The following ZNF565 variants were observed in gnomAD, a reference collection of about 807,000 sequenced individuals.
ZNF565 encodes zinc finger protein 565.
A neutral mutation model predicts 39.4 loss-of-function variants in ZNF565; 27 were observed. The ratio of observed to expected loss-of-function variants is 0.69; its 90% CI spans 0.51 to 0.95. The LOEUF is 0.95. ZNF565 is among the 40% of genes least tolerant of loss of function. ZNF565 has a pLI of 0.00. For synonymous variants in ZNF565, 185 were observed against 216.6 expected (o/e 0.85, Z 1.28); for missense variants, 524 against 621.1 (o/e 0.84, Z 1.66).
intron 3 of ZNF565, chr19:36,194,657 T>C (rs2145324000): frequency 2.2e-6 from 1 of 461,200 alleles, no homozygotes; most frequent in East Asian, 4.3e-5. Context: ...CTCCAATCTA[T>C]TCCTTGATGC....
At position 36,183,368 on chromosome 19, in the gene ZNF565, A is replaced by G. The variant is rs1284180028; in HGVS notation, c.598T>C (p.Cys200Arg). Residue 200 changes from cysteine (C) to arginine (R), a missense_variant, in exon 5 of 5, where the codon TGT becomes CGT. Coordinates refer to ENST00000304116, the MANE Select transcript of ZNF565 (RefSeq NM_152477.5). ...TGEKPFGCKE[C>R]GKAFSRASHL... is the part of the protein sequence containing the mutation. Reference sequence around the variant, plus strand: ...GAGGCACGGCTGAAGGCCTTCCCACATTCCTTACATCCAAAGGGTTTTTCA... The same window carrying G: ...GAGGCACGGCTGAAGGCCTTCCCACGTTCCTTACATCCAAAGGGTTTTTCA... 6.2e-7 allele frequency: 1 copy of G among 1,608,416 alleles called. No individual in the cohort carries two copies. The highest frequency in any genetic ancestry group is 8.5e-7 in the Non-Finnish European group (1 of 1,175,090).
intron 1 of ZNF565, among the ~76,000 whole-genome samples, chr19:36,221,817 C>T (rs1315390669): frequency 6.6e-6 from 1 of 151,714 alleles, no homozygotes; most frequent in Non-Finnish European, 1.5e-5. Context: ...TTTCTCTTCA[C>T]TCCTGTTTCC....
intron 1 of ZNF565, among the ~76,000 whole-genome samples, chr19:36,226,554 C>T (rs1298283275): frequency 2.0e-5 from 3 of 152,178 alleles, no homozygotes; most frequent in Non-Finnish European, 4.4e-5. Flanking sequence ...TTCCTTCTCT[C>T]TTTCTCCAAA....
chr19:36,218,214 G>A (rs962886575), upstream of ZNF565: 7 of 150,926 alleles, frequency 4.6e-5, no homozygotes, highest in Non-Finnish European at 8.8e-5. Flanking sequence ...TTAAACCTTG[G>A]GCCTCAGTTG....
chr19:36,223,605 C>T (rs904317723), intron 1 of ZNF565, among the ~76,000 whole-genome samples: 10 of 152,086 alleles, frequency 6.6e-5, no homozygotes, highest in African/African-American at 2.2e-4. Flanking sequence ...CCTCGTGATC[C>T]GCCCGCCTCG....
At position 36,183,381 on chromosome 19, in the gene ZNF565, A is replaced by G. The variant is rs61741493; in HGVS notation, c.585T>C (p.Phe195=). The G allele has an allele frequency of 8.6e-3, 13,779 of 1,608,464 alleles. 387 individuals carry two copies. The African/African-American group carries it at 0.096, about 11-fold the overall frequency. The change falls in exon 5 of 5, where the codon TTT becomes TTC. Residue 195 remains phenylalanine (F), a synonymous_variant. Transcript: ENST00000304116. The part of the protein sequence containing the change: ...HQKIHTGEKP[F]GCKECGKAFS... The stretch of plus-strand genomic sequence containing the variant: ...AGGCCTTCCCACATTCCTTACATCC[A>G]AAGGGTTTTTCACCAGTGTGAATTT...
intron 1 of ZNF565, among the ~76,000 whole-genome samples, chr19:36,221,578 G>A (rs1328133301): frequency 1.3e-5 from 2 of 152,126 alleles, no homozygotes; most frequent in African/African-American, 4.8e-5. Flanking sequence ...TTGAGCCACC[G>A]TGCCTGGCCA....
intron 1 of ZNF565, among the ~76,000 whole-genome samples, chr19:36,223,068 A>G (rs1351995114): frequency 6.6e-6 from 1 of 151,872 alleles, no homozygotes; most frequent in African/African-American, 2.4e-5. Context: ...CAGACTCCCA[A>G]GTAGCGGGGA....
At chr19:36,215,010 G>C (rs1976534327), upstream of ZNF565, 1 of 152,324 alleles carries the variant, frequency 6.6e-6, no homozygotes, top group African/African-American at 2.4e-5. Context: ...CGACGTTGCT[G>C]GTAATAGAAG....
chr19:36,183,611 A>C lies in ZNF565; in HGVS notation c.355T>G (p.Trp119Gly). 2.5e-6 allele frequency: 4 copies of C among 1,614,196 alleles called. No homozygotes were observed. Among genetic ancestry groups the C allele is most frequent in the Non-Finnish European group, 3.4e-6 (4 of 1,180,052 alleles). The stretch of plus-strand genomic sequence containing the variant: ...CTCTCAAACTGGCCTTCGCATTCCC[A>C]GTCAGCTCTAAAATCGGAGCCCTCC... ...DLEGSDFRAD[W>G]ECEGQFERQV... is the part of the protein sequence containing the mutation. Residue 119 changes from tryptophan (W) to glycine (G), a missense_variant, in exon 5 of 5, where the codon TGG (tryptophan) becomes GGG (glycine). Trp to Gly is a radical substitution (Grantham distance 184). Coordinates refer to ENST00000304116, the MANE Select transcript of ZNF565 (RefSeq NM_152477.5).
chr19:36,202,619 T>A (rs1976006611), intron 1 of ZNF565, among the ~76,000 whole-genome samples: 1 of 152,112 alleles, frequency 6.6e-6, no homozygotes, highest in Non-Finnish European at 1.5e-5. Context: ...TGCTCCAAAT[T>A]ACAGCAAGGA....
intron 1 of ZNF565, among the ~76,000 whole-genome samples, chr19:36,235,407 T>TG (rs1370669571): frequency 6.6e-6 from 1 of 152,192 alleles, no homozygotes; most frequent in African/African-American, 2.4e-5. Context: ...ATTTTCTACC[T>TG]AGATCACCTC....
intron 1 of ZNF565, among the ~76,000 whole-genome samples, chr19:36,244,951 G>A (rs1368684112): frequency 6.6e-6 from 1 of 151,694 alleles, no homozygotes; most frequent in Non-Finnish European, 1.5e-5. Flanking sequence ...GTATCTTGTT[G>A]ACGGTCAGTT....
At chr19:36,243,036 T>C (rs1977825697) in intron 1 of ZNF565, among the ~76,000 whole-genome samples, 1 of 152,038 alleles carries the variant, frequency 6.6e-6, no homozygotes, top group African/African-American at 2.4e-5. Context: ...TTGGTCTTTT[T>C]GTTTGTTTGT....
At chr19:36,197,343 G>C (rs897593949) in intron 2 of ZNF565, among the ~76,000 whole-genome samples, 1 of 151,068 alleles carries the variant, frequency 6.6e-6, no homozygotes, top group African/African-American at 2.4e-5. Context: ...ATGATGGTGC[G>C]TGCCTGTAGT....
At chr19:36,207,120 G>C (rs192337509) in intron 1 of ZNF565, among the ~76,000 whole-genome samples, 1 of 152,184 alleles carries the variant, frequency 6.6e-6, no homozygotes, top group East Asian at 1.9e-4. Flanking sequence ...GAGACGAAGA[G>C]GGTCAGAGAG....
chr19:36,224,239 T>C (rs1976981001), intron 1 of ZNF565, among the ~76,000 whole-genome samples: 1 of 152,100 alleles, frequency 6.6e-6, no homozygotes, highest in African/African-American at 2.4e-5. Context: ...AAACATTAGC[T>C]GGGTGTGGTG....
chr19:36,199,857 C>T (rs907901010), intron 2 of ZNF565, among the ~76,000 whole-genome samples: 2 of 151,786 alleles, frequency 1.3e-5, no homozygotes, highest in African/African-American at 2.4e-5. Flanking sequence ...TTTGTAGAGA[C>T]GGGGTCTCAC....
chr19:36,223,898 G>A (rs1385474108), intron 1 of ZNF565, among the ~76,000 whole-genome samples: 2 of 151,884 alleles, frequency 1.3e-5, no homozygotes, highest in Non-Finnish European at 2.9e-5. Context: ...GCCCAGGCTG[G>A]TCTCAAACTC....
Sources: allele counts gnomAD v4.1 joint callset (sites outside exome capture counted in the v4.1 genomes callset), GRCh38; gene constraint gnomAD v4.1.1; transcripts MANE v1.5; gene names NCBI Gene and HGNC (gene_info 2026-07-23, HGNC 2026-07-21).